Variants in RUNX1T1 observed in about 807,000 individuals in gnomAD.
RUNX1T1 encodes RUNX1 partner transcriptional co-repressor 1.
A neutral mutation model predicts 62.8 loss-of-function variants in RUNX1T1; 4 were observed. The ratio of observed to expected loss-of-function variants is 0.06; its 90% CI spans 0.03 to 0.15. RUNX1T1 has a LOEUF of 0.15. Ranked by LOEUF, RUNX1T1 falls within the 10% of genes least tolerant of loss-of-function variation. RUNX1T1 has a pLI of 1.00. For synonymous variants in RUNX1T1, 291 were observed against 286.0 expected (o/e 1.02, Z -0.18); for missense variants, 508 against 754.3 (o/e 0.67, Z 3.82).
intron 3 of RUNX1T1, among the ~76,000 whole-genome samples, chr8:92,013,500 CCT>C (rs139600973): frequency 0.021 from 3,141 of 152,138 alleles, 103 homozygotes; most frequent in African/African-American, 0.072. Context: ...TGGCTTTGCC[CCT>C]GATAGGTCCA....
chr8:92,038,410 A>G (rs2131373992), intron 1 of RUNX1T1, among the ~76,000 whole-genome samples: 1 of 152,290 alleles, frequency 6.6e-6, no homozygotes, highest in Non-Finnish European at 1.5e-5. Flanking sequence ...CCCAGTAAGA[A>G]AAGAAACAAG....
chr8:91,974,655 T>G (rs76647172), intron 9 of RUNX1T1, among the ~76,000 whole-genome samples: 1 of 152,134 alleles, frequency 6.6e-6, no homozygotes, highest in Non-Finnish European at 1.5e-5. Flanking sequence ...TTTAACAGCT[T>G]GGGAATACTA....
At chr8:91,980,162 C>A (rs1814903422) in intron 8 of RUNX1T1, among the ~76,000 whole-genome samples, 1 of 152,148 alleles carries the variant, frequency 6.6e-6, no homozygotes, top group Admixed American at 6.5e-5. Flanking sequence ...CAGGAAGTAA[C>A]CATCTCCTCT....
At chr8:91,992,133 T>G (rs939709413) in intron 5 of RUNX1T1, among the ~76,000 whole-genome samples, 1 of 152,180 alleles carries the variant, frequency 6.6e-6, no homozygotes, top group Admixed American at 6.5e-5. Flanking sequence ...ATCTTTTCAG[T>G]TGAAGCTCAT....
At chr8:91,974,484 C>A (rs998202094) in intron 9 of RUNX1T1, among the ~76,000 whole-genome samples, 1 of 152,070 alleles carries the variant, frequency 6.6e-6, no homozygotes, top group African/African-American at 2.4e-5. Flanking sequence ...AGAGAAAAGA[C>A]TCACTCCTCT....
intron 1 of RUNX1T1, among the ~76,000 whole-genome samples, chr8:92,056,560 A>G (rs1831071950): frequency 6.6e-6 from 1 of 152,206 alleles, no homozygotes; most frequent in Admixed American, 6.6e-5. Context: ...GTGGAAAACA[A>G]AATCAAGCCT....
At chr8:92,013,310 CTG>C (rs1822339882) in intron 3 of RUNX1T1, among the ~76,000 whole-genome samples, 1 of 152,142 alleles carries the variant, frequency 6.6e-6, no homozygotes, top group Non-Finnish European at 1.5e-5. Flanking sequence ...AGCTGATGGA[CTG>C]TGAGAAACAT....
chr8:91,976,740 A>AT, intron 8 of RUNX1T1, among the ~76,000 whole-genome samples: 1 of 152,352 alleles, frequency 6.6e-6, no homozygotes, highest in Non-Finnish European at 1.5e-5. Flanking sequence ...AACACAAAAC[A>AT]TTTTATAGTT....
At chr8:91,971,808 T>C (rs1370020587) in intron 9 of RUNX1T1, among the ~76,000 whole-genome samples, 1 of 152,144 alleles carries the variant, frequency 6.6e-6, no homozygotes, top group African/African-American at 2.4e-5. Flanking sequence ...TCTTTATTTT[T>C]GGCTGAGGAA....
At chr8:92,093,036 G>A (rs1269341477) in intron 1 of RUNX1T1, among the ~76,000 whole-genome samples, 1 of 152,094 alleles carries the variant, frequency 6.6e-6, no homozygotes, top group African/African-American at 2.4e-5. Flanking sequence ...CAGGAAAACT[G>A]ATTGCATTTT....
intron 1 of RUNX1T1, among the ~76,000 whole-genome samples, chr8:92,020,997 A>T (rs1823978477): frequency 6.6e-6 from 1 of 152,160 alleles, no homozygotes; most frequent in Admixed American, 6.5e-5. Context: ...GTATAAAACA[A>T]CAACAACAAC....
chr8:92,012,144 A>C (rs1012216097), intron 3 of RUNX1T1, among the ~76,000 whole-genome samples: 2 of 152,206 alleles, frequency 1.3e-5, no homozygotes, highest in African/African-American at 4.8e-5. Flanking sequence ...AAACATCTTC[A>C]TATGAAACTA....
At chr8:92,029,470 C>T (rs1825841361) in intron 1 of RUNX1T1, among the ~76,000 whole-genome samples, 1 of 152,096 alleles carries the variant, frequency 6.6e-6, no homozygotes, top group Admixed American at 6.5e-5. Context: ...CAGTAAGATG[C>T]CCTCGAATAA....
Position 92,011,100 on chromosome 8 carries a change from G to T in RUNX1T1, c.388-9C>A, listed in dbSNP as rs181778921. ...ATTGTCAAAGTGGAGTTCTATGGAAGAAAATATGTAGTATAAATACATTAG... is the reference window on the plus strand; with the variant it reads ...ATTGTCAAAGTGGAGTTCTATGGAATAAAATATGTAGTATAAATACATTAG... On this transcript the variant is annotated splice_polypyrimidine_tract_variant and intron_variant, in intron 3 of 10. Transcript: ENST00000396218. The T allele has an allele frequency of 9.8e-5, 146 of 1,495,416 alleles. No homozygotes were observed. The East Asian group carries it at 2.0e-3, about 21-fold the overall frequency. 92.6% of individuals were successfully genotyped at this position (1,495,416 alleles called of 1,614,324 possible). A position where few individuals can be genotyped will look rare whatever the true frequency, so the allele number is the denominator to read the frequency against.
At chr8:92,021,586 T>C (rs1310130329) in intron 1 of RUNX1T1, among the ~76,000 whole-genome samples, 2 of 152,120 alleles carry the variant, frequency 1.3e-5, no homozygotes, top group African/African-American at 4.8e-5. Flanking sequence ...TGGCTTCAAA[T>C]GTTGACTCTC....
chr8:91,971,951 T>C (rs1713975674), intron 9 of RUNX1T1, among the ~76,000 whole-genome samples: 1 of 152,172 alleles, frequency 6.6e-6, no homozygotes, highest in Non-Finnish European at 1.5e-5. Context: ...CTAATTTTCA[T>C]CTTTATTCAA....
rs1332900942 is a variant in RUNX1T1, at chr8:92,026,880, G to A, written c.8-9517C>T. 2.6e-5 allele frequency among the ~76,000 whole-genome samples: 4 copies of A among 151,300 alleles called. No homozygotes were observed. In the East Asian group the frequency reaches 7.9e-4, roughly 30 times the overall value. ...CGCCTGTAATCCCAGCACTTTGGGAGGCCGAGACGGGCGGATCACGAGGTC... is the reference window on the plus strand; with the variant it reads ...CGCCTGTAATCCCAGCACTTTGGGAAGCCGAGACGGGCGGATCACGAGGTC... On this transcript the variant is annotated intron_variant, in intron 1 of 10. Coordinates refer to ENST00000396218, the Ensembl canonical transcript of RUNX1T1.
intron 1 of RUNX1T1, among the ~76,000 whole-genome samples, chr8:92,053,185 C>T (rs934415881): frequency 1.6e-4 from 24 of 151,816 alleles, no homozygotes; most frequent in Admixed American, 1.5e-3. Context: ...TTCTAGCAAT[C>T]GCTCTAGAGT....
intron 1 of RUNX1T1, among the ~76,000 whole-genome samples, chr8:92,055,570 C>T (rs922492128): frequency 5.9e-5 from 9 of 152,130 alleles, no homozygotes; most frequent in Non-Finnish European, 8.8e-5. Flanking sequence ...GCCTCCAGAG[C>T]GGCTAGGACT....
Sources: gnomAD v4.1 joint callset for allele counts (sites outside exome capture counted in the v4.1 genomes callset) on GRCh38, gnomAD v4.1.1 for gene constraint, MANE v1.5 for transcripts, NCBI Gene and HGNC (gene_info 2026-07-23, HGNC 2026-07-21) for gene names.